Variants in LDLRAD3 observed in about 807,000 individuals in gnomAD.
LDLRAD3 encodes the protein low density lipoprotein receptor class A domain containing 3, also known as low-density lipoprotein receptor class A domain-containing protein 3.
A neutral mutation model predicts 29.4 loss-of-function variants in LDLRAD3; 20 were observed. The ratio of observed to expected loss-of-function variants is 0.68; its 90% confidence interval spans 0.48 to 0.99. LDLRAD3 has a LOEUF of 0.99. LDLRAD3 is among the 50% of genes least tolerant of loss of function. The pLI, the probability that LDLRAD3 is intolerant of heterozygous loss-of-function variation, is 0.00. For missense variants in LDLRAD3, 420 were observed against 454.3 expected (o/e 0.92, Z 0.69); for synonymous variants, 157 against 192.7 (o/e 0.81, Z 1.53).
In LDLRAD3 at chr11:36,191,538, G is replaced by GTCTCTCTCTC. The variant is rs751965155; in HGVS notation, c.455-35517_455-35508dup. 9.1e-3 allele frequency among the ~76,000 whole-genome samples: 507 copies of GTCTCTCTCTC among 55,626 alleles called. 14 individuals carry two copies. Among genetic ancestry groups the GTCTCTCTCTC allele is most frequent in the East Asian group, 0.043 (66 of 1,538 alleles). The allele number at this position is 55,626 out of a possible 152,430, so 36.5% of individuals were successfully genotyped here. A position where few individuals can be genotyped will look rare whatever the true frequency, so the allele number is the denominator to read the frequency against. ...AGCCTGGGTGACAGAGCAAGACCCT[G>GTCTCTCTCTC]TCTCTCTCTCTCTCTCTCTCTCTCT... On this transcript the variant is annotated intron_variant, in intron 4 of 5. Transcript: ENST00000315571.
chr11:36,210,888 A>C (rs1365617176), intron 4 of LDLRAD3, among the ~76,000 whole-genome samples: 1 of 152,226 alleles, frequency 6.6e-6, no homozygotes, highest in East Asian at 1.9e-4. Context: ...TAATGGAGGG[A>C]TAGCGGGAGA....
chr11:36,156,515 TA>T lies in LDLRAD3; in HGVS notation c.454+58057del, dbSNP rs558315129. On this transcript the variant is annotated intron_variant, in intron 4 of 5. Coordinates refer to ENST00000315571, the MANE Select transcript of LDLRAD3 (RefSeq NM_174902.4). ...CCAAGGCAGTGCTGTCTCACTGCAGTAAACAGCAGTTTTCAGAAGATCTACG... is the reference window on the plus strand; with the variant it reads ...CCAAGGCAGTGCTGTCTCACTGCAGTAACAGCAGTTTTCAGAAGATCTACG... Among the ~76,000 whole-genome samples, 70 of 152,356 alleles carry T rather than the reference TA, an allele frequency of 4.6e-4. 1 individual carries two copies. In the Middle Eastern group the frequency reaches 0.01, roughly 22 times the overall value.
chr11:36,109,581 T>TA (rs1439569091), intron 4 of LDLRAD3, among the ~76,000 whole-genome samples: 5 of 152,120 alleles, frequency 3.3e-5, no homozygotes, highest in Admixed American at 2.0e-4. Context: ...TAATTGAGAG[T>TA]AAAAGAGCTT....
At chr11:35,985,118 A>T (rs1851593148) in intron 1 of LDLRAD3, among the ~76,000 whole-genome samples, 1 of 151,578 alleles carries the variant, frequency 6.6e-6, no homozygotes, top group African/African-American at 2.4e-5. Context: ...TTTTGTAGAG[A>T]TGAGCTCTTC....
intron 2 of LDLRAD3, among the ~76,000 whole-genome samples, chr11:36,049,923 A>G (rs118162002): frequency 0.013 from 1,909 of 152,320 alleles, 23 homozygotes; most frequent in African/African-American, 0.022. Flanking sequence ...TCTGAAGACC[A>G]TCTTGGCTCC....
At chr11:36,155,583 T>C (rs1466925865) in intron 4 of LDLRAD3, among the ~76,000 whole-genome samples, 1 of 152,186 alleles carries the variant, frequency 6.6e-6, no homozygotes, top group Non-Finnish European at 1.5e-5. Flanking sequence ...TTTCTGAGCC[T>C]TAGTTTCTTC....
chr11:35,954,549 A>G (rs1314446660), intron 1 of LDLRAD3, among the ~76,000 whole-genome samples: 1 of 152,210 alleles, frequency 6.6e-6, no homozygotes, highest in Non-Finnish European at 1.5e-5. Context: ...CACTAAAGAC[A>G]TGACTATGAC....
chr11:36,226,779 T>C (rs1270677676), intron 4 of LDLRAD3, among the ~76,000 whole-genome samples: 4 of 152,242 alleles, frequency 2.6e-5, no homozygotes, highest in Non-Finnish European at 5.9e-5. Flanking sequence ...TACAGAATCT[T>C]ACAATATGTG....
At position 36,223,157 on chromosome 11, in the gene LDLRAD3, G is replaced by A. The variant is rs1283898388; in HGVS notation, c.455-3928G>A. ...ATGACATTTTACACACAGCAAAAAC[G>A]AGAGCAGGCACCACTGAGTTATGCA... On this transcript the variant is annotated intron_variant, in intron 4 of 5. Coordinates refer to ENST00000315571, the MANE Select transcript of LDLRAD3 (RefSeq NM_174902.4). 5.9e-5 allele frequency among the ~76,000 whole-genome samples: 9 copies of A among 152,188 alleles called. No individual in the cohort carries two copies. In the South Asian group the frequency reaches 1.0e-3, roughly 18 times the overall value.
At chr11:36,226,936 G>C in intron 4 of LDLRAD3, 149 bp from the exon 5 acceptor site, 1 of 625,258 alleles carries the variant, frequency 1.6e-6, no homozygotes. Context: ...TCATCGGTTG[G>C]TGGACATTTG....
intron 4 of LDLRAD3, among the ~76,000 whole-genome samples, chr11:36,215,475 C>A (rs1341833265): frequency 1.3e-5 from 2 of 152,148 alleles, no homozygotes; most frequent in African/African-American, 4.8e-5. Flanking sequence ...GAAGCACAGG[C>A]ACCAGGACTG....
intron 1 of LDLRAD3, among the ~76,000 whole-genome samples, chr11:36,007,582 G>A (rs137891980): frequency 0.015 from 2,263 of 152,268 alleles, 32 homozygotes; most frequent in Non-Finnish European, 0.022. Context: ...CGGCGGCTTG[G>A]GAAGGCATTT....
intron 1 of LDLRAD3, among the ~76,000 whole-genome samples, chr11:35,952,966 C>T (rs1005966790): frequency 1.3e-5 from 2 of 152,154 alleles, no homozygotes; most frequent in African/African-American, 4.8e-5. Flanking sequence ...TTGCTTCAAA[C>T]TAAGGGGCTC....
intron 1 of LDLRAD3, among the ~76,000 whole-genome samples, chr11:36,008,956 G>A (rs1026560301): frequency 6.6e-6 from 1 of 150,888 alleles, no homozygotes; most frequent in Non-Finnish European, 1.5e-5. Flanking sequence ...AATATATATC[G>A]TCTTTTTATT....
chr11:36,200,495 T>G (rs1483056533), intron 4 of LDLRAD3, among the ~76,000 whole-genome samples: 1 of 152,106 alleles, frequency 6.6e-6, no homozygotes. Flanking sequence ...ATACATTCAG[T>G]CCATAACAAT....
At chr11:36,094,178 G>T (rs1365837372) in intron 3 of LDLRAD3, among the ~76,000 whole-genome samples, 7 of 152,208 alleles carry the variant, frequency 4.6e-5, no homozygotes, top group East Asian at 3.9e-4. Flanking sequence ...CACCATCACT[G>T]CTTGCTTTCC....
intron 1 of LDLRAD3, among the ~76,000 whole-genome samples, chr11:35,951,646 T>C (rs60522578): frequency 0.025 from 3,800 of 152,326 alleles, 157 homozygotes; most frequent in African/African-American, 0.087. Context: ...GTGAGAGATA[T>C]TTGCTTCACT....
intron 4 of LDLRAD3, among the ~76,000 whole-genome samples, chr11:36,154,758 T>C (rs1854323933): frequency 6.6e-6 from 1 of 152,204 alleles, no homozygotes; most frequent in African/African-American, 2.4e-5. Context: ...TCTTGGAACT[T>C]ATGTCAGAGG....
In LDLRAD3 at chr11:36,229,803, C is replaced by T; in HGVS notation, c.*406C>T. ...TCTCTGCTGGGTAGTTACCTTATAG[C>T]ATTTGGGGATTTGGGTTAGATGATC... On this transcript the variant is annotated 3_prime_UTR_variant, in exon 6 of 6. Coordinates refer to ENST00000315571, the MANE Select transcript of LDLRAD3 (RefSeq NM_174902.4). The T allele has an allele frequency of 6.0e-6, 1 of 166,896 alleles. No individual in the cohort carries two copies. The highest frequency in any genetic ancestry group is 1.9e-4 in the South Asian group (1 of 5,262). The allele number at this position is 166,896 out of a possible 1,614,324, so 10.3% of individuals were successfully genotyped here. A position where few individuals can be genotyped will look rare whatever the true frequency, so the allele number is the denominator to read the frequency against.
Sources: allele counts gnomAD v4.1 joint callset (sites outside exome capture counted in the v4.1 genomes callset), GRCh38; gene constraint gnomAD v4.1.1; transcripts MANE v1.5; gene names NCBI Gene and HGNC (gene_info 2026-07-23, HGNC 2026-07-21).